Variants in SCYL2 observed in about 807,000 individuals in gnomAD.
SCYL2 encodes the protein SCY1 like pseudokinase 2, also known as SCY1-like protein 2.
A neutral mutation model predicts 100.4 loss-of-function variants in SCYL2; 36 were observed. That is an observed-to-expected ratio of 0.36 (90% CI 0.27 to 0.47). SCYL2 has a LOEUF of 0.47. Among genes scored for constraint, SCYL2 ranks in the 20% least tolerant of loss-of-function variants. The pLI, the probability that SCYL2 is intolerant of heterozygous loss-of-function variation, is 1.00. For missense variants in SCYL2, 902 were observed against 1,083.9 expected (o/e 0.83, Z 2.36); for synonymous variants, 330 against 359.2 (o/e 0.92, Z 0.92).
chr12:100,310,255 C>T (rs1208133023), intron 4 of SCYL2, among the ~76,000 whole-genome samples: 1 of 152,186 alleles, frequency 6.6e-6, no homozygotes, highest in Non-Finnish European at 1.5e-5. Flanking sequence ...CTCGGCCTCC[C>T]AAATGGCTGG....
intron 1 of SCYL2, among the ~76,000 whole-genome samples, chr12:100,274,666 C>T (rs1421058326): frequency 6.6e-6 from 1 of 152,184 alleles, no homozygotes; most frequent in Non-Finnish European, 1.5e-5. Flanking sequence ...CCTACAGTAA[C>T]ACTGGGATGG....
intron 10 of SCYL2, among the ~76,000 whole-genome samples, chr12:100,321,690 A>T (rs1305866367): frequency 6.6e-6 from 1 of 152,170 alleles, no homozygotes; most frequent in Admixed American, 6.5e-5. Flanking sequence ...TAACATTTTC[A>T]TATATATCCT....
intron 4 of SCYL2, among the ~76,000 whole-genome samples, chr12:100,299,291 A>G (rs34248655): frequency 0.021 from 3,147 of 152,310 alleles, 45 homozygotes; most frequent in Non-Finnish European, 0.034. Context: ...ATAAATTTAT[A>G]TAGTAGATTC....
chr12:100,337,013 T>C (rs1471248835), intron 16 of SCYL2, among the ~76,000 whole-genome samples: 3 of 152,188 alleles, frequency 2.0e-5, no homozygotes, highest in Non-Finnish European at 4.4e-5. Flanking sequence ...GTTTCATTCA[T>C]TCTTTGCTTT....
intron 3 of SCYL2, among the ~76,000 whole-genome samples, chr12:100,294,794 G>T (rs2096316681): frequency 6.7e-6 from 1 of 148,476 alleles, no homozygotes; most frequent in African/African-American, 2.5e-5. Context: ...CCGGGCGGGG[G>T]GCTGACCCCC....
intron 13 of SCYL2, among the ~76,000 whole-genome samples, chr12:100,332,685 C>T (rs141517033): frequency 0.016 from 2,361 of 151,136 alleles, 32 homozygotes; most frequent in Non-Finnish European, 0.022. Flanking sequence ...GGGATGTTGA[C>T]AATGATTTTG....
chr12:100,301,143 A>G (rs960237699), intron 4 of SCYL2, among the ~76,000 whole-genome samples: 8 of 152,204 alleles, frequency 5.3e-5, no homozygotes, highest in African/African-American at 1.9e-4. Context: ...TATATTCTCC[A>G]CATCTTCTCC....
intron 1 of SCYL2, among the ~76,000 whole-genome samples, chr12:100,277,141 A>T (rs2096293392): frequency 6.6e-6 from 1 of 152,182 alleles, no homozygotes; most frequent in South Asian, 2.1e-4. Flanking sequence ...ATATTTTGAG[A>T]CTTATTTCAT....
chr12:100,338,034 A>AT (rs1397561847), intron 17 of SCYL2, among the ~76,000 whole-genome samples: 15 of 152,296 alleles, frequency 9.8e-5, no homozygotes, highest in Admixed American at 9.2e-4. Flanking sequence ...AGATAGCTTT[A>AT]TCTTAAAAGC....
intron 1 of SCYL2, among the ~76,000 whole-genome samples, chr12:100,278,790 C>G (rs1465520859): frequency 6.6e-6 from 1 of 151,886 alleles, no homozygotes; most frequent in Non-Finnish European, 1.5e-5. Flanking sequence ...CCACCATGCC[C>G]AGTTAATTTT....
Position 100,324,952 on chromosome 12 carries a change from C to T in SCYL2, c.1509+1314C>T, listed in dbSNP as rs566934345. 8.0e-4 allele frequency among the ~76,000 whole-genome samples: 122 copies of T among 152,164 alleles called. 1 individual carries two copies. The South Asian group carries it at 0.025, about 31-fold the overall frequency. Reference sequence around the variant, plus strand: ...TTTTCTCAAAGTACATGTTGTAGGCCGGGCATGGTGGCTCACACCTTTAAT... The same window carrying T: ...TTTTCTCAAAGTACATGTTGTAGGCTGGGCATGGTGGCTCACACCTTTAAT... On this transcript the variant is annotated intron_variant, in intron 11 of 17. Transcript: ENST00000360820.
chr12:100,298,413 A>G (rs1343885478), intron 4 of SCYL2, among the ~76,000 whole-genome samples: 1 of 152,202 alleles, frequency 6.6e-6, no homozygotes, highest in Non-Finnish European at 1.5e-5. Flanking sequence ...CTTATTGGCT[A>G]GTGGATGGAG....
rs1179563360 is a variant in SCYL2 at position 100,267,707 on chromosome 12, G to GC, written c.-108dup. The GC allele has an allele frequency of 1.3e-5, 2 of 152,446 alleles. No individual in the cohort carries two copies. The highest frequency in any genetic ancestry group is 1.9e-4 in the East Asian group (1 of 5,180). The allele number at this position is 152,446 out of a possible 1,614,324, so 9.4% of individuals were successfully genotyped here. A position where few individuals can be genotyped will look rare whatever the true frequency, so the allele number is the denominator to read the frequency against. On this transcript the variant is annotated 5_prime_UTR_variant, in exon 1 of 18. Coordinates refer to ENST00000360820, the MANE Select transcript of SCYL2 (RefSeq NM_017988.6). ...ATCGAAGTCAGCTGCCGGAGGGAGA[G>GC]CCCCCCATGCCGGCTCGAGAGCTCG...
intron 3 of SCYL2, among the ~76,000 whole-genome samples, chr12:100,292,774 A>G (rs1393067614): frequency 6.6e-6 from 1 of 151,982 alleles, no homozygotes; most frequent in African/African-American, 2.4e-5. Context: ...CCCTGTTTTT[A>G]TTTTTTACTG....
intron 13 of SCYL2, among the ~76,000 whole-genome samples, chr12:100,331,906 C>T (rs1177728975): frequency 1.3e-5 from 2 of 151,974 alleles, no homozygotes; most frequent in Non-Finnish European, 2.9e-5. Context: ...CAGCAAATGC[C>T]CTGCAGCAGT....
chr12:100,283,393 C>T (rs558743810), intron 2 of SCYL2, among the ~76,000 whole-genome samples: 2 of 152,278 alleles, frequency 1.3e-5, no homozygotes, highest in South Asian at 2.1e-4. Flanking sequence ...ATTTTGCTTA[C>T]TTAATAAACA....
chr12:100,316,021 A>G (rs990592784), intron 9 of SCYL2, among the ~76,000 whole-genome samples: 4 of 152,252 alleles, frequency 2.6e-5, no homozygotes, highest in Admixed American at 6.5e-5. Context: ...TACCATATAT[A>G]TACTTTGTAG....
Position 100,338,672 on chromosome 12 carries a change from A to T in SCYL2, c.2290A>T (p.Asn764Tyr). Residue 764 changes from asparagine (N) to tyrosine (Y), a missense_variant, in exon 18 of 18, where the codon AAT becomes TAT. Physicochemically the swap from Asn to Tyr is moderately radical, Grantham distance 143 (BLOSUM62 -2). Transcript: ENST00000360820. Reference sequence around the variant, plus strand: ...TATGATGTTTTCTACACCAACTGATAATACAAAGAGAAATTTGACAAATGG... The same window carrying T: ...TATGATGTTTTCTACACCAACTGATTATACAAAGAGAAATTTGACAAATGG... ...IGMMFSTPTD[N>Y]TKRNLTNGLN... 6.2e-7 allele frequency: 1 copy of T among 1,614,054 alleles called. No homozygotes were observed. Among genetic ancestry groups the T allele is most frequent in the Non-Finnish European group, 8.5e-7 (1 of 1,179,974 alleles).
chr12:100,324,644 GAAAC>G (rs1349942817), intron 11 of SCYL2, among the ~76,000 whole-genome samples: 1 of 152,098 alleles, frequency 6.6e-6, no homozygotes, highest in Non-Finnish European at 1.5e-5. Context: ...AATCATTACT[GAAAC>G]AAACAAGTAT....
Sources: allele counts gnomAD v4.1 joint callset (sites outside exome capture counted in the v4.1 genomes callset), GRCh38; gene constraint gnomAD v4.1.1; transcripts MANE v1.5; gene names NCBI Gene and HGNC (gene_info 2026-07-23, HGNC 2026-07-21).